SEMA4D: variants seen among roughly 807,000 people sequenced by gnomAD.
The protein encoded by SEMA4D is semaphorin-4D.
In SEMA4D, 22 loss-of-function variants were observed where a neutral mutation model predicts 74.8. That is an observed-to-expected ratio of 0.29 (90% CI 0.21 to 0.42). The LOEUF (loss-of-function observed/expected upper bound fraction) is 0.42. Ranked by LOEUF, SEMA4D falls within the 10% of genes least tolerant of loss-of-function variation. The pLI is 1.00. For missense variants in SEMA4D, 937 were observed against 1,118.4 expected (o/e 0.84, Z 2.31); for synonymous variants, 445 against 463.7 (o/e 0.96, Z 0.52).
At chr9:89,425,392 ATAAC>A (rs1053361837) in intron 2 of SEMA4D, among the ~76,000 whole-genome samples, 8 of 152,352 alleles carry the variant, frequency 5.3e-5, no homozygotes, top group Admixed American at 2.0e-4. Flanking sequence ...AGCAGGAAGA[ATAAC>A]TAACACCCGC....
downstream of SEMA4D, chr9:89,377,064 G>C: frequency 6.5e-7 from 1 of 1,527,270 alleles, no homozygotes; most frequent in Non-Finnish European, 8.9e-7. Context: ...GTGAGACAGA[G>C]AGGACAGAAA....
rs551906683 is a variant in SEMA4D, at chr9:89,380,940, C to T, written c.1663+115G>A. 15 of 1,272,602 alleles carry T rather than the reference C, an allele frequency of 1.2e-5. No homozygotes were observed. In the African/African-American group the frequency reaches 2.1e-4, roughly 18 times the overall value. The allele number at this position is 1,272,602 out of a possible 1,614,324, so 78.8% of individuals were successfully genotyped here. ...TGCTACAGAACACTTGACCTCTGTT[C>T]CGAGTGGAGAAAGAAAAACAAAACA... On this transcript the variant is annotated intron_variant, in intron 15 of 15. Coordinates refer to ENST00000422704, the MANE Select transcript of SEMA4D (RefSeq NM_001371194.2).
At chr9:89,456,449 T>G (rs553665295) in intron 1 of SEMA4D, among the ~76,000 whole-genome samples, 1 of 152,338 alleles carries the variant, frequency 6.6e-6, no homozygotes, top group Admixed American at 6.5e-5. Context: ...ATGTCAGTGC[T>G]AGCATTCAAT....
chr9:89,372,717 G>GC (rs1369273222), downstream of SEMA4D, among the ~76,000 whole-genome samples: 2 of 152,016 alleles, frequency 1.3e-5, no homozygotes, highest in East Asian at 3.9e-4. Flanking sequence ...CCAAGGCAGT[G>GC]CAGTCCTGAC....
At chr9:89,371,822 CTG>C (rs1233782294) in intron 16 of SEMA4D, among the ~76,000 whole-genome samples, 1 of 16,952 alleles carries the variant, frequency 5.9e-5, no homozygotes, top group Non-Finnish European at 1.0e-4. Flanking sequence ...GTGTGTGTGT[CTG>C]GGGTGTGGTG....
At chr9:89,387,836 G>A (rs1443013220) in intron 11 of SEMA4D, among the ~76,000 whole-genome samples, 3 of 152,202 alleles carry the variant, frequency 2.0e-5, no homozygotes, top group African/African-American at 4.8e-5. Flanking sequence ...TTGCATTCAC[G>A]ATACATACTC....
chr9:89,428,328 AAC>A (rs1319495616), intron 2 of SEMA4D, among the ~76,000 whole-genome samples: 1 of 152,206 alleles, frequency 6.6e-6, no homozygotes, highest in Non-Finnish European at 1.5e-5. Flanking sequence ...GCACTGCCCA[AAC>A]ACAGTCCCTG....
At chr9:89,473,177 G>T (rs1860846510) in intron 1 of SEMA4D, among the ~76,000 whole-genome samples, 1 of 152,184 alleles carries the variant, frequency 6.6e-6, no homozygotes, top group African/African-American at 2.4e-5. Flanking sequence ...TATTGTAAAT[G>T]ATACTACATT....
chr9:89,365,274 C>G (rs190892326), intron 16 of SEMA4D: 2 of 152,564 alleles, frequency 1.3e-5, no homozygotes, highest in African/African-American at 4.8e-5. Flanking sequence ...GTCTCTGAAG[C>G]TCCTGCTTGT....
downstream of SEMA4D, chr9:89,376,913 GA>G: frequency 1.3e-6 from 2 of 1,550,876 alleles, no homozygotes; most frequent in Non-Finnish European, 1.7e-6. Context: ...CGGCAGCAAG[GA>G]GACCCTCGAG....
intron 16 of SEMA4D, chr9:89,368,067 A>G (rs1300357754): frequency 6.6e-6 from 1 of 152,330 alleles, no homozygotes; most frequent in African/African-American, 2.4e-5. Flanking sequence ...ACATCCACCC[A>G]GTGACTGAGT....
chr9:89,458,018 G>C (rs1244996987), intron 1 of SEMA4D, among the ~76,000 whole-genome samples: 77 of 152,330 alleles, frequency 5.1e-4, no homozygotes, highest in African/African-American at 1.8e-3. Flanking sequence ...GGTCGATAGA[G>C]CGAGACTGGG....
At chr9:89,362,240 C>T in exon 19 of SEMA4D, 1 of 1,242,474 alleles carries the variant, frequency 8.0e-7, no homozygotes, top group Admixed American at 1.8e-5. Context: ...CACTGTCCCG[C>T]CTCTGCCCAT....
chr9:89,409,162 G>A (rs541263045), intron 2 of SEMA4D, among the ~76,000 whole-genome samples: 2 of 152,348 alleles, frequency 1.3e-5, no homozygotes, highest in East Asian at 1.9e-4. Context: ...TCATTAAAGA[G>A]AAAGAAGCCA....
intron 3 of SEMA4D, 59 bp from the exon 4 acceptor site, chr9:89,403,075 T>C: frequency 6.3e-7 from 1 of 1,574,840 alleles, no homozygotes; most frequent in South Asian, 1.1e-5. Context: ...GGAAGCATTT[T>C]TAAACCTGAG....
intron 4 of SEMA4D, among the ~76,000 whole-genome samples, chr9:89,401,792 A>G (rs1007206116): frequency 6.6e-6 from 1 of 152,200 alleles, no homozygotes; most frequent in Non-Finnish European, 1.5e-5. Flanking sequence ...TGGGACCTCT[A>G]CGGACCAAAA....
intron 2 of SEMA4D, among the ~76,000 whole-genome samples, chr9:89,440,839 AG>A (rs970068439): frequency 6.6e-6 from 1 of 152,256 alleles, no homozygotes; most frequent in African/African-American, 2.4e-5. Flanking sequence ...AGGAACACAC[AG>A]GGTGCCAAGA....
At chr9:89,449,887 T>C (rs1587980743) in intron 2 of SEMA4D, 1 of 1,475,992 alleles carries the variant, frequency 6.8e-7, no homozygotes. Context: ...AAAATTGACC[T>C]TGGGGTCCAT....
At position 89,391,405 on chromosome 9, in the gene SEMA4D, G is replaced by A. The variant is rs762081174; in HGVS notation, c.633C>T (p.Phe211=). The A allele has an allele frequency of 1.1e-5, 18 of 1,614,122 alleles. No individual in the cohort carries two copies. Among genetic ancestry groups the A allele is most frequent in the South Asian group, 9.9e-5 (9 of 91,094 alleles). The change falls in exon 9 of 16, where the codon TTC becomes TTT. Residue 211 remains phenylalanine, a synonymous_variant. Transcript: ENST00000422704. ...TTTTTCGGATCACGTCAGCAAACAC[G>A]AAACTAGGCTCTGCAGAGAGAGGAC... is the stretch of plus-strand genomic sequence containing the variant. The part of the protein sequence containing the change: ...YAIPWLNEPS[F]VFADVIRKSP...
Sources: gnomAD v4.1 joint callset for allele counts (sites outside exome capture counted in the v4.1 genomes callset) on GRCh38, gnomAD v4.1.1 for gene constraint, MANE v1.5 for transcripts, NCBI Gene and HGNC (gene_info 2026-07-23, HGNC 2026-07-21) for gene names.